Variants in ATP8A2 observed in about 807,000 individuals in gnomAD.
The protein encoded by ATP8A2 is ATPase phospholipid transporting 8A2.
ATP8A2 carries 100 observed loss-of-function variants against 165.6 expected under a neutral mutation model. The ratio of observed to expected loss-of-function variants is 0.60; its 90% CI spans 0.51 to 0.71. The LOEUF (loss-of-function observed/expected upper bound fraction) is 0.71, where lower values mean the gene tolerates loss of function less well. Among genes scored for constraint, ATP8A2 ranks in the 30% least tolerant of loss-of-function variants. The probability of loss-of-function intolerance (pLI) is 0.00; values close to 1 mark genes in which losing one functional copy is unlikely to be tolerated. For missense variants in ATP8A2, 1,227 were observed against 1,479.5 expected (o/e 0.83, Z 2.80); for synonymous variants, 543 against 548.8 (o/e 0.99, Z 0.15).
chr13:25,836,503 C>G (rs953398134), intron 28 of ATP8A2, among the ~76,000 whole-genome samples: 1 of 152,150 alleles, frequency 6.6e-6, no homozygotes, highest in African/African-American at 2.4e-5. Context: ...TTTGGTGACT[C>G]TCCCTTCTCC....
intron 2 of ATP8A2, among the ~76,000 whole-genome samples, chr13:25,471,289 G>A (rs185357021): frequency 0.086 from 12,853 of 150,228 alleles, 883 homozygotes; most frequent in African/African-American, 0.19. Context: ...GCTTAAGGCT[G>A]GGAGAAAAAA....
chr13:25,808,598 C>CA (rs772182999), intron 27 of ATP8A2, among the ~76,000 whole-genome samples: 1,388 of 131,264 alleles, frequency 0.011, 11 homozygotes, highest in Non-Finnish European at 0.012. Flanking sequence ...GACTCCATCT[C>CA]AAAAAAAAAA....
At chr13:25,585,368 G>A (rs2039892521) in intron 23 of ATP8A2, among the ~76,000 whole-genome samples, 1 of 152,166 alleles carries the variant, frequency 6.6e-6, no homozygotes, top group Admixed American at 6.5e-5. Flanking sequence ...TTATGCAATA[G>A]ATGTGGAGTT....
chr13:25,591,079 C>G (rs1365396971), intron 24 of ATP8A2, among the ~76,000 whole-genome samples: 2 of 152,078 alleles, frequency 1.3e-5, no homozygotes, highest in African/African-American at 4.8e-5. Context: ...TCAGTCTTCC[C>G]CCTCTCACAC....
At chr13:25,413,798 C>G (rs1340373691) in intron 1 of ATP8A2, among the ~76,000 whole-genome samples, 4 of 152,136 alleles carry the variant, frequency 2.6e-5, no homozygotes, top group African/African-American at 9.7e-5. Flanking sequence ...GGCCAAAGAC[C>G]TTGTCATCAT....
In ATP8A2 at chr13:25,991,128, G is replaced by A. The variant is rs538247082; in HGVS notation, c.3378-21403G>A. ...GGTAGTGTGCCTGCAGGAGATACAG[G>A]AGGAAGTCTCCCCACCCGCTTTAAA... On this transcript the variant is annotated intron_variant, in intron 35 of 36. Transcript: ENST00000381655. 1.2e-3 allele frequency among the ~76,000 whole-genome samples: 186 copies of A among 152,282 alleles called. 1 individual carries two copies. Among genetic ancestry groups the A allele is most frequent in the African/African-American group, 4.4e-3 (182 of 41,550 alleles).
At chr13:25,444,882 C>T (rs1451587995) in intron 1 of ATP8A2, among the ~76,000 whole-genome samples, 1 of 152,130 alleles carries the variant, frequency 6.6e-6, no homozygotes, top group Non-Finnish European at 1.5e-5. Context: ...AGATGATCCA[C>T]CTGCCTCAGC....
At chr13:25,968,706 A>G (rs1157514438) in intron 35 of ATP8A2, 27 bp downstream of exon 35, 1 of 1,562,558 alleles carries the variant, frequency 6.4e-7, no homozygotes, top group Non-Finnish European at 8.8e-7. Context: ...CAGTCCGCAC[A>G]GAACACAGGT....
At chr13:25,476,136 G>A (rs2035987910) in intron 2 of ATP8A2, among the ~76,000 whole-genome samples, 1 of 152,114 alleles carries the variant, frequency 6.6e-6, no homozygotes, top group Non-Finnish European at 1.5e-5. Context: ...TATATATGTG[G>A]TACTAGATCC....
At position 25,797,160 on chromosome 13, in the gene ATP8A2, C is replaced by T. The variant is rs1468252803; in HGVS notation, c.2679+22201C>T. The stretch of plus-strand genomic sequence containing the variant: ...GCACACACCTGTAATCCCAGCTGCT[C>T]GGGAGGCTGAGGCAGGAGAATCGCT... On this transcript the variant is annotated intron_variant, in intron 27 of 36. Coordinates refer to ENST00000381655, the MANE Select transcript of ATP8A2 (RefSeq NM_016529.6). Among the ~76,000 whole-genome samples the T allele has an allele frequency of 8.6e-5, 13 of 151,910 alleles. No individual in the cohort carries two copies. The South Asian group carries it at 1.2e-3, about 15-fold the overall frequency.
chr13:25,970,895 A>G (rs1955896339), intron 35 of ATP8A2, among the ~76,000 whole-genome samples: 1 of 152,166 alleles, frequency 6.6e-6, no homozygotes. Context: ...TAAATGTTCA[A>G]ATGGATATCA....
intron 24 of ATP8A2, among the ~76,000 whole-genome samples, chr13:25,643,317 C>T (rs562007804): frequency 1.3e-5 from 2 of 152,236 alleles, no homozygotes; most frequent in East Asian, 3.9e-4. Flanking sequence ...ATTGTTACAT[C>T]ATAGCATCAT....
rs536505618 is a variant in ATP8A2 at position 25,528,469 on chromosome 13, G to C, written c.222-1530G>C. Among the ~76,000 whole-genome samples the C allele has an allele frequency of 2.0e-5, 3 of 152,250 alleles. No homozygotes were observed. In the East Asian group the frequency reaches 5.8e-4, roughly 29 times the overall value. ...ACTATTGGCAGTGGGACTATTTCTT[G>C]TTCCATCAAATGACCTCTGGCTGCT... On this transcript the variant is annotated intron_variant, in intron 2 of 36. Transcript: ENST00000381655.
At chr13:26,003,789 T>A (rs759669620) in intron 35 of ATP8A2, among the ~76,000 whole-genome samples, 1 of 152,210 alleles carries the variant, frequency 6.6e-6, no homozygotes, top group Non-Finnish European at 1.5e-5. Context: ...TTTTCTTCAT[T>A]GTGTGTTATT....
chr13:25,962,261 G>A lies in ATP8A2; in HGVS notation c.3272+598G>A, dbSNP rs553811711. On this transcript the variant is annotated intron_variant, in intron 34 of 36. Transcript: ENST00000381655. ...CTTCCCATGCTTAGAGGGAAGCTAT[G>A]TATAGGTAAGTCATTTAAAATTACA... is the stretch of plus-strand genomic sequence containing the variant. Among the ~76,000 whole-genome samples, 8 of 152,200 alleles carry A rather than the reference G, an allele frequency of 5.3e-5. No individual in the cohort carries two copies. The East Asian group carries it at 1.5e-3, about 29-fold the overall frequency.
At chr13:25,952,795 G>A (rs969519331) in intron 33 of ATP8A2, among the ~76,000 whole-genome samples, 4 of 152,148 alleles carry the variant, frequency 2.6e-5, no homozygotes, top group African/African-American at 9.7e-5. Flanking sequence ...CCTTTAGAGG[G>A]GAGCACAGCT....
At chr13:25,420,951 A>G (rs905726390) in intron 1 of ATP8A2, among the ~76,000 whole-genome samples, 2 of 152,230 alleles carry the variant, frequency 1.3e-5, no homozygotes, top group African/African-American at 4.8e-5. Flanking sequence ...AATTACTTCC[A>G]TGGGATGTCT....
At position 25,720,167 on chromosome 13, in the gene ATP8A2, C is replaced by CTTTTTCTTTTTT. The variant is rs1462225714; in HGVS notation, c.2384+20827_2384+20828insCTTTTTTTTTTT. Among the ~76,000 whole-genome samples, 3 of 117,288 alleles carry CTTTTTCTTTTTT rather than the reference C, an allele frequency of 2.6e-5. 1 individual carries two copies. The highest frequency in any genetic ancestry group is 4.9e-4 in the East Asian group (2 of 4,046). The allele number at this position is 117,288 out of a possible 152,430, so 76.9% of individuals were successfully genotyped here. A position where few individuals can be genotyped will look rare whatever the true frequency, so the allele number is the denominator to read the frequency against. ...GACCTCCGATAAATGTATACTTTTT[C>CTTTTTCTTTTTT]TTTTTTTTTTTTTTTTTTGAGAAGG... On this transcript the variant is annotated intron_variant, in intron 25 of 36. Coordinates refer to ENST00000381655, the MANE Select transcript of ATP8A2 (RefSeq NM_016529.6).
chr13:25,863,565 C>T (rs1043335971), intron 33 of ATP8A2: 3 of 152,254 alleles, frequency 2.0e-5, no homozygotes, highest in African/African-American at 7.2e-5. Context: ...AGGATACATA[C>T]TTTAGGGCCA....
Sources: gnomAD v4.1 joint callset for allele counts (sites outside exome capture counted in the v4.1 genomes callset) on GRCh38, gnomAD v4.1.1 for gene constraint, MANE v1.5 for transcripts, NCBI Gene and HGNC (gene_info 2026-07-23, HGNC 2026-07-21) for gene names.